ZBTB46: variants seen among roughly 807,000 people sequenced by gnomAD.
ZBTB46 encodes zinc finger and BTB domain-containing protein 46.
ZBTB46 carries 8 observed loss-of-function variants against 44.1 expected under a neutral mutation model. The observed-to-expected ratio is 0.18, with a 90% CI of 0.11 to 0.33. The LOEUF (loss-of-function observed/expected upper bound fraction) is 0.33. ZBTB46 is among the 10% of genes least tolerant of loss of function. The probability of loss-of-function intolerance (pLI) is 1.00; values close to 1 mark genes in which losing one functional copy is unlikely to be tolerated. For synonymous variants in ZBTB46, 409 were observed against 382.3 expected, an observed-to-expected ratio of 1.07 and a Z score of -0.81; for missense variants, 651 against 847.7, an observed-to-expected ratio of 0.77 and a Z score of 2.88.
chr20:63,777,960 A>G (rs1048695646), intron 2 of ZBTB46, among the ~76,000 whole-genome samples: 6 of 152,224 alleles, frequency 3.9e-5, no homozygotes, highest in African/African-American at 1.4e-4. Context: ...ATGCCATTTC[A>G]TTTCCATTAA....
At position 63,800,868 on chromosome 20, in the gene ZBTB46, T is replaced by G. The variant is rs150326116; in HGVS notation, c.-33-10078A>C. ...AGCTTCCCTGACGAGTGCCCCTCCC[T>G]GCTCTACCGCGCTGGGTCCCATCAA... On this transcript the variant is annotated intron_variant, in intron 1 of 4. Transcript: ENST00000245663. Among the ~76,000 whole-genome samples, 542 of 152,320 alleles carry G rather than the reference T, an allele frequency of 3.6e-3. 5 individuals are homozygous for G. The highest frequency in any genetic ancestry group is 0.013 in the African/African-American group (522 of 41,582).
At chr20:63,797,017 T>G (rs1034413347) in intron 1 of ZBTB46, among the ~76,000 whole-genome samples, 1 of 152,138 alleles carries the variant, frequency 6.6e-6, no homozygotes, top group Non-Finnish European at 1.5e-5. Flanking sequence ...TTTTGTTTTT[T>G]TATATATACT....
At chr20:63,749,278 C>CA (rs1232138304) in intron 4 of ZBTB46, among the ~76,000 whole-genome samples, 5 of 152,216 alleles carry the variant, frequency 3.3e-5, no homozygotes, top group African/African-American at 1.2e-4. Context: ...ACCCTAGAAA[C>CA]AGAGCCTCAG....
chr20:63,790,800 T>C lies in ZBTB46; in HGVS notation c.-33-10A>G. On this transcript the variant is annotated splice_polypyrimidine_tract_variant and intron_variant, in intron 1 of 4. Transcript: ENST00000245663. ...GCCTCTTCTACAGACTCTGTGGAGG[T>C]AAGAACAAGAGTTACCCAAGCTCAG... The C allele has an allele frequency of 6.5e-7, 1 of 1,537,432 alleles. No individual in the cohort carries two copies. The highest frequency in any genetic ancestry group is 1.9e-5 in the Admixed American group (1 of 53,174).
At chr20:63,828,029 G>C (rs2092828982) in intron 1 of ZBTB46, among the ~76,000 whole-genome samples, 3 of 152,200 alleles carry the variant, frequency 2.0e-5, no homozygotes, top group Non-Finnish European at 4.4e-5. Flanking sequence ...CAAGCGGCCC[G>C]CCCGCCTCAG....
intron 1 of ZBTB46, among the ~76,000 whole-genome samples, chr20:63,814,035 C>A (rs2092733126): frequency 6.6e-6 from 1 of 152,028 alleles, no homozygotes; most frequent in African/African-American, 2.4e-5. Context: ...GAGATCAAAA[C>A]CATCCTGGCT....
intron 1 of ZBTB46, among the ~76,000 whole-genome samples, chr20:63,792,970 A>T (rs1033576976): frequency 2.0e-5 from 3 of 152,088 alleles, no homozygotes; most frequent in African/African-American, 7.2e-5. Flanking sequence ...AGGCCCCCAC[A>T]GCCGGTGTTG....
At chr20:63,765,056 T>A (rs1005099008) in intron 3 of ZBTB46, among the ~76,000 whole-genome samples, 2 of 139,176 alleles carry the variant, frequency 1.4e-5, no homozygotes, top group Admixed American at 1.4e-4. Flanking sequence ...TGTGTGTGTA[T>A]GTTTGTATGT....
upstream of ZBTB46, among the ~76,000 whole-genome samples, chr20:63,833,227 G>A (rs922627407): frequency 2.0e-5 from 3 of 152,204 alleles, no homozygotes; most frequent in Non-Finnish European, 2.9e-5. Flanking sequence ...CTGCCCATAA[G>A]AACCAAACCT....
intron 1 of ZBTB46, among the ~76,000 whole-genome samples, chr20:63,812,741 T>TGCAG (rs1257540405): frequency 6.6e-6 from 1 of 152,040 alleles, no homozygotes; most frequent in Non-Finnish European, 1.5e-5. Flanking sequence ...ACCACCCCAC[T>TGCAG]GCACTCCAGC....
intron 1 of ZBTB46, among the ~76,000 whole-genome samples, chr20:63,828,857 G>A (rs1483807796): frequency 6.6e-6 from 1 of 152,240 alleles, no homozygotes; most frequent in Non-Finnish European, 1.5e-5. Flanking sequence ...GGGTCTCCAG[G>A]GCTCTGAGAG....
At chr20:63,760,589 T>C (rs1378396747) in intron 3 of ZBTB46, among the ~76,000 whole-genome samples, 1 of 151,814 alleles carries the variant, frequency 6.6e-6, no homozygotes, top group African/African-American at 2.4e-5. Context: ...CCCGAGTAGC[T>C]AGGATTACAG....
chr20:63,772,252 T>TCC (rs1327258684), intron 3 of ZBTB46, among the ~76,000 whole-genome samples: 1 of 151,962 alleles, frequency 6.6e-6, no homozygotes, highest in Non-Finnish European at 1.5e-5. Context: ...TGCCTTGGCC[T>TCC]CCCAAAGTGC....
chr20:63,775,670 GCACTTA>G lies in ZBTB46; in HGVS notation c.1222+2_1222+7del. 6.4e-7 allele frequency: 1 copy of G among 1,554,582 alleles called. No individual in the cohort carries two copies. Among genetic ancestry groups the G allele is most frequent in the Non-Finnish European group, 8.7e-7 (1 of 1,149,886 alleles). Reference sequence around the variant, plus strand: ...CAAAGCCAAGCGGCCCCCAGGGCCTGCACTTACGGGACAGCGAGTGGGCCCCTCTGG... The same window carrying G: ...CAAAGCCAAGCGGCCCCCAGGGCCTGCGGGACAGCGAGTGGGCCCCTCTGG... On this transcript the variant is annotated splice_donor_variant and splice_donor_5th_base_variant and intron_variant, in intron 3 of 4. Coordinates refer to ENST00000245663, the MANE Select transcript of ZBTB46 (RefSeq NM_001369741.1). LOFTEE classifies it high-confidence loss of function.
At chr20:63,770,366 G>T (rs1399400041) in intron 3 of ZBTB46, among the ~76,000 whole-genome samples, 1 of 112,068 alleles carries the variant, frequency 8.9e-6, no homozygotes, top group Non-Finnish European at 2.1e-5. Context: ...GAGGAGGCCC[G>T]CCTACTGCTG....
chr20:63,764,784 T>TAGAGATGGGG (rs1343522835), intron 3 of ZBTB46, among the ~76,000 whole-genome samples: 1 of 151,906 alleles, frequency 6.6e-6, no homozygotes, highest in African/African-American at 2.4e-5. Context: ...GTATTTTTAG[T>TAGAGATGGGG]AGAGATGGGG....
At chr20:63,791,031 G>A (rs1057166120) in intron 1 of ZBTB46, 2 of 461,928 alleles carry the variant, frequency 4.3e-6, no homozygotes, top group African/African-American at 1.9e-5. Flanking sequence ...TTCCGTGCTC[G>A]AGGCTAATGG....
At chr20:63,808,309 C>T (rs990049664) in intron 1 of ZBTB46, among the ~76,000 whole-genome samples, 1 of 152,230 alleles carries the variant, frequency 6.6e-6, no homozygotes, top group Admixed American at 6.5e-5. Flanking sequence ...GTAGGCCAGT[C>T]AAGCCATCCT....
chr20:63,790,714 C>T lies in ZBTB46; in HGVS notation c.44G>A (p.Arg15Gln), dbSNP rs766799392. The T allele has an allele frequency of 9.3e-6, 15 of 1,610,344 alleles. No individual in the cohort carries two copies. Among genetic ancestry groups the T allele is most frequent in the East Asian group, 8.9e-5 (4 of 44,840 alleles). ...CTCGTTGAGCTCCCGCAGCAGGTGC[C>T]GGTAGTGGGACGTGATTTCCATATC... ...KEDMEITSHY[R>Q]HLLRELNEQR... The change falls in exon 2 of 5, where the codon CGG (arginine) becomes CAG (glutamine). Residue 15 changes from arginine to glutamine, a missense_variant. Around this residue, in one of 5 missense-constraint regions of ZBTB46, gnomAD observed 65 missense variants for 167.9 expected, o/e 0.39. Transcript: ENST00000245663.
Sources: allele counts gnomAD v4.1 joint callset (sites outside exome capture counted in the v4.1 genomes callset), GRCh38; gene constraint gnomAD v4.1.1; regional missense constraint gnomAD v4.1.1; transcripts MANE v1.5; gene names NCBI Gene and HGNC (gene_info 2026-07-23, HGNC 2026-07-21).